Variants in KIF17 observed in about 807,000 individuals in gnomAD.
KIF17 encodes the protein kinesin-like protein KIF17.
Under a neutral mutation model 96.8 loss-of-function variants are expected in KIF17, and 80 were observed. That is an observed-to-expected ratio of 0.83 (90% confidence interval 0.69 to 1.00). KIF17 has a LOEUF of 1.00. Among genes scored for constraint, KIF17 ranks in the 50% least tolerant of loss-of-function variants. The probability of loss-of-function intolerance (pLI) is 0.00; values close to 1 mark genes in which losing one functional copy is unlikely to be tolerated. For missense variants in KIF17, 1,280 were observed against 1,372.9 expected (o/e 0.93, Z 1.07); for synonymous variants, 567 against 587.5 (o/e 0.97, Z 0.51).
chr1:20,710,735 T>A (rs1019754482), intron 3 of KIF17, among the ~76,000 whole-genome samples: 1 of 150,312 alleles, frequency 6.7e-6, no homozygotes, highest in African/African-American at 2.5e-5. Flanking sequence ...TGGGTGGGGG[T>A]CGGGGCGAGG....
intron 5 of KIF17, among the ~76,000 whole-genome samples, chr1:20,703,594 GGGTGGGAA>G (rs1309746940): frequency 6.6e-6 from 1 of 151,950 alleles, no homozygotes; most frequent in Non-Finnish European, 1.5e-5. Context: ...GTAATGGGGT[GGGTGGGAA>G]GGTGGGTAGG....
At position 20,687,728 on chromosome 1, in the gene KIF17, TCA is replaced by T; in HGVS notation, c.1596_1597del (p.Glu533AspfsTer7). On this transcript the variant is annotated frameshift_variant, in exon 8 of 15. Coordinates refer to ENST00000400463, the MANE Select transcript of KIF17 (RefSeq NM_001122819.3). LOFTEE classifies it high-confidence loss of function. This position sits in a 1 kb window ranked among gnomAD's most constrained non-coding sequence, Gnocchi z 4.4. ...TGACTCACTGGAGCCCAGAGAAATC[TCA>T]GATTTGGAGGGTTCCACCTTGGGCA... 1 of 1,614,110 alleles carries T rather than the reference TCA, an allele frequency of 6.2e-7. No homozygotes were observed. The highest frequency in any genetic ancestry group is 8.5e-7 in the Non-Finnish European group (1 of 1,180,018).
Position 20,690,352 on chromosome 1 carries a change from G to GGGCCCCA in KIF17, c.1234-18_1234-17insTGGGGCC. On this transcript the variant is annotated splice_polypyrimidine_tract_variant and intron_variant, in intron 6 of 14. Transcript: ENST00000400463. The stretch of plus-strand genomic sequence containing the variant: ...TTCATACTCCTGGGGGGGTGGGAGG[G>GGGCCCCA]ACCAGAGGGCAGGCAGCATTTTATC... The GGGCCCCA allele has an allele frequency of 3.5e-5, 16 of 451,006 alleles. No individual in the cohort carries two copies. The highest frequency in any genetic ancestry group is 6.4e-5 in the Non-Finnish European group (15 of 235,002). 27.9% of individuals were successfully genotyped at this position (451,006 alleles called of 1,614,324 possible).
intron 10 of KIF17, 30 bp downstream of exon 10, chr1:20,684,779 G>A (rs565624281): frequency 6.6e-7 from 1 of 1,523,292 alleles, no homozygotes; most frequent in Non-Finnish European, 8.8e-7. Context: ...TCACCGTGGG[G>A]TCCCGCCAGC....
At chr1:20,681,251 G>A (rs958328170) in intron 11 of KIF17, among the ~76,000 whole-genome samples, 9 of 151,348 alleles carry the variant, frequency 5.9e-5, no homozygotes, top group African/African-American at 1.2e-4. Flanking sequence ...GTGCAGTGGC[G>A]TGATGTCAGC....
chr1:20,712,908 A>ATAGATAATATC (rs1557607210), intron 3 of KIF17, among the ~76,000 whole-genome samples: 1 of 74,186 alleles, frequency 1.3e-5, no homozygotes, highest in African/African-American at 4.8e-5. Flanking sequence ...TATCTATATT[A>ATAGATAATATC]TATATATAAT....
rs1165384183 is a variant in KIF17 at position 20,712,592 on chromosome 1, ATCTATATATATCTAT to A, written c.480+847_480+861del. ...TATAGATAATATTATCTATATATAT[ATCTATATATATCTAT>A]ATATATATAATATAGATAATATCTA... On this transcript the variant is annotated intron_variant, in intron 3 of 14. Transcript: ENST00000400463. 1.2e-3 allele frequency among the ~76,000 whole-genome samples: 19 copies of A among 15,698 alleles called. 2 individuals are homozygous for A. Among genetic ancestry groups the A allele is most frequent in the Middle Eastern group, 0.024 (1 of 42 alleles). 10.3% of individuals were successfully genotyped at this position (15,698 alleles called of 152,430 possible).
In KIF17 at chr1:20,671,702, T is replaced by G. The variant is rs139668570; in HGVS notation, c.2722+236A>C. ...CTGTTATTCATCCCCATTTCACAGA[T>G]GAAGACACCGAGTCCCAAAAAGGGC... On this transcript the variant is annotated intron_variant, in intron 12 of 14. Coordinates refer to ENST00000400463, the MANE Select transcript of KIF17 (RefSeq NM_001122819.3). Among the ~76,000 whole-genome samples, 92 of 152,292 alleles carry G rather than the reference T, an allele frequency of 6.0e-4. 1 individual carries two copies. The East Asian group carries it at 0.017, about 28-fold the overall frequency.
At chr1:20,680,662 C>G (rs1396808068) in intron 11 of KIF17, among the ~76,000 whole-genome samples, 1 of 151,832 alleles carries the variant, frequency 6.6e-6, no homozygotes, top group Admixed American at 6.6e-5. Flanking sequence ...CATTTCTAAT[C>G]CAAAATTGAA....
chr1:20,709,104 A>T lies in KIF17; in HGVS notation c.670+535T>A, dbSNP rs544161767. On this transcript the variant is annotated intron_variant, in intron 4 of 14. Coordinates refer to ENST00000400463, the MANE Select transcript of KIF17 (RefSeq NM_001122819.3). This position sits in a 1 kb window ranked among gnomAD's most constrained non-coding sequence, Gnocchi z 4.7. ...AGATAATGCACACACATTGCCTGGCACACTGGCCGGGCGCAGTGGCTCAAG... is the reference window on the plus strand; with the variant it reads ...AGATAATGCACACACATTGCCTGGCTCACTGGCCGGGCGCAGTGGCTCAAG... 1.5e-4 allele frequency among the ~76,000 whole-genome samples: 23 copies of T among 152,320 alleles called. No homozygotes were observed. The South Asian group carries it at 4.8e-3, about 32-fold the overall frequency.
At chr1:20,710,998 G>A (rs771502809) in intron 3 of KIF17, among the ~76,000 whole-genome samples, 6 of 152,084 alleles carry the variant, frequency 3.9e-5, no homozygotes, top group Non-Finnish European at 8.8e-5. Flanking sequence ...CGGCCCAGGC[G>A]GCAGCTGTGA....
chr1:20,671,974 GGATC>G lies in KIF17; in HGVS notation c.2682_2685del (p.Lys894AsnfsTer13). ...CTGGTTTTTGTGATGACGGGATGTG[GGATC>G]TTCCAGAAGCCGTTATCTTCGTCCC... On this transcript the variant is annotated frameshift_variant, in exon 12 of 15. Transcript: ENST00000400463. LOFTEE classifies it high-confidence loss of function. 2 of 1,613,984 alleles carry G rather than the reference GGATC, an allele frequency of 1.2e-6. No individual in the cohort carries two copies. The highest frequency in any genetic ancestry group is 1.7e-6 in the Non-Finnish European group (2 of 1,180,044).
intron 3 of KIF17, among the ~76,000 whole-genome samples, chr1:20,710,412 C>T (rs1004101406): frequency 3.3e-5 from 5 of 152,190 alleles, no homozygotes; most frequent in Non-Finnish European, 7.3e-5. Flanking sequence ...CCCAGAACCC[C>T]GCAGGCTCAC....
Position 20,717,693 on chromosome 1 carries a change from G to C in KIF17, c.14C>G (p.Ala5Gly). Residue 5 changes from alanine (A) to glycine (G), a missense_variant, in exon 1 of 15, where the codon GCG becomes GGG. Coordinates refer to ENST00000400463, the MANE Select transcript of KIF17 (RefSeq NM_001122819.3). ...ACGGCAGCGCACGACAACCTTCACC[G>C]CCTCGGAGGCCATGGCGCCGCGCCC... Reference protein sequence around the residue: MASEAVKVVVRCRPM... With the variant: MASEGVKVVVRCRPM... The C allele has an allele frequency of 6.3e-7, 1 of 1,592,588 alleles. No homozygotes were observed. Among genetic ancestry groups the C allele is most frequent in the Non-Finnish European group, 8.5e-7 (1 of 1,175,506 alleles).
At chr1:20,674,735 T>C (rs920280014) in intron 11 of KIF17, among the ~76,000 whole-genome samples, 1 of 152,306 alleles carries the variant, frequency 6.6e-6, no homozygotes, top group East Asian at 1.9e-4. Flanking sequence ...TTAATTTTTG[T>C]ATGGAGTGTG....
In KIF17 at chr1:20,712,868, G is replaced by GATATAGATAATATCTATATTATAGATA. The variant is rs1553153027; in HGVS notation, c.480+585_480+586insTATCTATAATATAGATATTATCTATAT. On this transcript the variant is annotated intron_variant, in intron 3 of 14. Coordinates refer to ENST00000400463, the MANE Select transcript of KIF17 (RefSeq NM_001122819.3). ...TATAGATAATATTATCTATATTATA[G>GATATAGATAATATCTATATTATAGATA]ATATTATCTATATATAATATAGATA... Among the ~76,000 whole-genome samples the GATATAGATAATATCTATATTATAGATA allele has an allele frequency of 4.7e-4, 15 of 32,242 alleles. 1 individual carries two copies. Among genetic ancestry groups the GATATAGATAATATCTATATTATAGATA allele is most frequent in the Non-Finnish European group, 9.1e-4 (15 of 16,424 alleles). The allele number at this position is 32,242 out of a possible 152,430, so 21.2% of individuals were successfully genotyped here. A position where few individuals can be genotyped will look rare whatever the true frequency, so the allele number is the denominator to read the frequency against.
chr1:20,717,816 T>C lies in KIF17; in HGVS notation c.-110A>G. Reference sequence around the variant, plus strand: ...AGCGCCGGCCACGGGGGGCGGGGCCTTGAGGCAGGGGCGGGGCCGCGGCGG... The same window carrying C: ...AGCGCCGGCCACGGGGGGCGGGGCCCTGAGGCAGGGGCGGGGCCGCGGCGG... On this transcript the variant is annotated 5_prime_UTR_variant, in exon 1 of 15. Coordinates refer to ENST00000400463, the MANE Select transcript of KIF17 (RefSeq NM_001122819.3). 1 of 1,215,690 alleles carries C rather than the reference T, an allele frequency of 8.2e-7. No homozygotes were observed. Among genetic ancestry groups the C allele is most frequent in the Non-Finnish European group, 1.0e-6 (1 of 952,878 alleles). The allele number at this position is 1,215,690 out of a possible 1,614,324, so 75.3% of individuals were successfully genotyped here.
intron 5 of KIF17, among the ~76,000 whole-genome samples, chr1:20,703,170 GATGGATGA>G (rs5772914): frequency 1.0e-4 from 15 of 145,088 alleles, no homozygotes; most frequent in African/African-American, 3.7e-4. Context: ...GATGGAGATG[GATGGATGA>G]ATGGATGGAC....
chr1:20,672,049 C>A lies in KIF17; in HGVS notation c.2611G>T (p.Asp871Tyr). 1.9e-6 allele frequency: 3 copies of A among 1,614,148 alleles called. No homozygotes were observed. The highest frequency in any genetic ancestry group is 4.5e-5 in the East Asian group (2 of 44,876). ...LEQVQPLIRR[D>Y]CNYSNLEKIL... The stretch of plus-strand genomic sequence containing the variant: ...TTCTCCAGGTTGCTGTAGTTACAGT[C>A]CCTGCGAATCAGGGGCTGCACCTGC... The change falls in exon 12 of 15, where the codon GAC becomes TAC. Residue 871 changes from aspartate (D) to tyrosine (Y), a missense_variant. Physicochemically the swap from Asp to Tyr is radical, Grantham distance 160. Transcript: ENST00000400463. The surrounding 1 kb of genome is among the most constrained non-coding windows in gnomAD (Gnocchi z 4.3).
Sources: gnomAD v4.1 joint callset for allele counts (sites outside exome capture counted in the v4.1 genomes callset) on GRCh38, gnomAD v4.1.1 for gene constraint, Gnocchi (gnomAD v3.1) non-coding constraint, MANE v1.5 for transcripts, NCBI Gene and HGNC (gene_info 2026-07-23, HGNC 2026-07-21) for gene names.